PLCB1: variants seen among roughly 807,000 people sequenced by gnomAD.
PLCB1 encodes the protein 1-phosphatidylinositol 4,5-bisphosphate phosphodiesterase beta-1.
PLCB1 carries 46 observed loss-of-function variants against 161.8 expected under a neutral mutation model. The observed-to-expected ratio is 0.28, with a 90% CI of 0.22 to 0.36. The LOEUF (loss-of-function observed/expected upper bound fraction) is 0.36, where lower values mean the gene tolerates loss of function less well. PLCB1 is among the 10% of genes least tolerant of loss of function. PLCB1 has a pLI of 1.00. For missense variants in PLCB1, 1,016 were observed against 1,472.5 expected (o/e 0.69, Z 5.07); for synonymous variants, 517 against 503.7 (o/e 1.03, Z -0.35).
intron 3 of PLCB1, among the ~76,000 whole-genome samples, chr20:8,407,343 T>G (rs2122497297): frequency 6.6e-6 from 1 of 152,268 alleles, no homozygotes; most frequent in East Asian, 1.9e-4. Flanking sequence ...ACTTTCTCAG[T>G]GGAGAAACCT....
At chr20:8,645,121 A>G (rs1377970331) in intron 4 of PLCB1, among the ~76,000 whole-genome samples, 1 of 151,272 alleles carries the variant, frequency 6.6e-6, no homozygotes, top group Non-Finnish European at 1.5e-5. Flanking sequence ...TGAAGGCAGC[A>G]TGCTCGTTAA....
intron 2 of PLCB1, among the ~76,000 whole-genome samples, chr20:8,276,965 CTTCTTCTTCTTCTTCTTCTTCTTATTA>C (rs1404173150): frequency 2.5e-5 from 3 of 121,824 alleles, no homozygotes; most frequent in Admixed American, 1.7e-4. Context: ...TCTTCTTCTT[CTTCTTCTTCTTCTTCTTCTTCTTATTA>C]TTATTATTAT....
intron 2 of PLCB1, among the ~76,000 whole-genome samples, chr20:8,339,634 A>C (rs1985723678): frequency 6.6e-6 from 1 of 152,204 alleles, no homozygotes; most frequent in Non-Finnish European, 1.5e-5. Flanking sequence ...ATGTGTATTC[A>C]TACAGCTTCA....
chr20:8,456,457 TTC>T (rs1981321313), intron 3 of PLCB1, among the ~76,000 whole-genome samples: 1 of 152,250 alleles, frequency 6.6e-6, no homozygotes, highest in South Asian at 2.1e-4. Flanking sequence ...GGAATTTTTT[TTC>T]TTTTTTGTCT....
chr20:8,873,151 T>C (rs1568632553), intron 31 of PLCB1, among the ~76,000 whole-genome samples: 1 of 152,166 alleles, frequency 6.6e-6, no homozygotes. Flanking sequence ...ATGGTTAGGA[T>C]ATAGCATGTG....
chr20:8,340,522 A>G (rs1200870113), intron 2 of PLCB1, among the ~76,000 whole-genome samples: 4 of 151,962 alleles, frequency 2.6e-5, no homozygotes, highest in Non-Finnish European at 5.9e-5. Context: ...TCCCGGGTTC[A>G]CGCCATTCTC....
intron 3 of PLCB1, among the ~76,000 whole-genome samples, chr20:8,439,801 C>G (rs1980474185): frequency 6.6e-6 from 1 of 151,390 alleles, no homozygotes; most frequent in Admixed American, 6.6e-5. Flanking sequence ...GGTCGTTGAC[C>G]TTTTTATAGG....
At chr20:8,244,901 GT>G (rs1171795675) in intron 2 of PLCB1, among the ~76,000 whole-genome samples, 2 of 151,586 alleles carry the variant, frequency 1.3e-5, no homozygotes, top group Non-Finnish European at 2.9e-5. Context: ...ATTTTAACTT[GT>G]CTGTGTTTAT....
At chr20:8,843,778 A>T (rs1421064580) in intron 31 of PLCB1, among the ~76,000 whole-genome samples, 1 of 152,188 alleles carries the variant, frequency 6.6e-6, no homozygotes, top group Non-Finnish European at 1.5e-5. Flanking sequence ...CTCCTCACTT[A>T]ACACTTTGAT....
intron 9 of PLCB1, among the ~76,000 whole-genome samples, chr20:8,661,994 A>G (rs1210579582): frequency 1.1e-4 from 3 of 27,124 alleles, no homozygotes; most frequent in Non-Finnish European, 1.7e-4. Flanking sequence ...ATAATTATAT[A>G]ATTATTTATT....
chr20:8,444,538 A>G (rs917171812), intron 3 of PLCB1, among the ~76,000 whole-genome samples: 21 of 152,172 alleles, frequency 1.4e-4, no homozygotes, highest in Admixed American at 2.6e-4. Context: ...TAGCAGCATG[A>G]TTTATAGTCC....
chr20:8,160,596 G>A (rs1186196545), intron 2 of PLCB1, among the ~76,000 whole-genome samples: 3 of 152,210 alleles, frequency 2.0e-5, no homozygotes, highest in African/African-American at 4.8e-5. Flanking sequence ...TAGATCTTGT[G>A]AGACTTATTC....
At chr20:8,285,220 C>T (rs534853259) in intron 2 of PLCB1, among the ~76,000 whole-genome samples, 26 of 149,348 alleles carry the variant, frequency 1.7e-4, no homozygotes, top group African/African-American at 5.4e-4. Context: ...TGCTCCTTCT[C>T]TTCGTTTTGC....
chr20:8,154,213 A>G (rs950227238), intron 2 of PLCB1, among the ~76,000 whole-genome samples: 4 of 152,180 alleles, frequency 2.6e-5, no homozygotes, highest in African/African-American at 9.6e-5. Flanking sequence ...AAGTTAGTAC[A>G]TGTGTGTCTA....
At chr20:8,734,483 C>T (rs1028699377) in intron 19 of PLCB1, among the ~76,000 whole-genome samples, 2 of 151,666 alleles carry the variant, frequency 1.3e-5, no homozygotes, top group African/African-American at 4.8e-5. Flanking sequence ...TTTTAAAACA[C>T]ATATTAATGA....
At chr20:8,164,558 T>G (rs977335409) in intron 2 of PLCB1, among the ~76,000 whole-genome samples, 1 of 152,244 alleles carries the variant, frequency 6.6e-6, no homozygotes, top group Non-Finnish European at 1.5e-5. Context: ...TGGACATCAC[T>G]GCACAGAGCT....
chr20:8,791,248 T>G (rs1983744152), intron 31 of PLCB1, among the ~76,000 whole-genome samples: 1 of 152,140 alleles, frequency 6.6e-6, no homozygotes, highest in Non-Finnish European at 1.5e-5. Context: ...AATAATTACT[T>G]AGATATGGTG....
intron 31 of PLCB1, among the ~76,000 whole-genome samples, chr20:8,853,200 TAAATA>T (rs1289756647): frequency 1.3e-5 from 2 of 152,182 alleles, no homozygotes; most frequent in Admixed American, 1.3e-4. Context: ...ATTAGTTATA[TAAATA>T]AAATAAAGTA....
chr20:8,881,965 A>C lies in PLCB1; in HGVS notation c.*116A>C. On this transcript the variant is annotated 3_prime_UTR_variant, in exon 32 of 32. Coordinates refer to ENST00000338037, the MANE Select transcript of PLCB1 (RefSeq NM_015192.4). ...CCCGAGAAGCATCCCTTAGCCTAAA[A>C]TCCACACCAAAGGGAGAGTTCCAGA... The C allele has an allele frequency of 2.9e-6, 2 of 687,134 alleles. No homozygotes were observed. The highest frequency in any genetic ancestry group is 2.7e-5 in the East Asian group (1 of 37,358). 42.6% of individuals were successfully genotyped at this position (687,134 alleles called of 1,614,324 possible).
Sources: gnomAD v4.1 joint callset for allele counts (sites outside exome capture counted in the v4.1 genomes callset) on GRCh38, gnomAD v4.1.1 for gene constraint, MANE v1.5 for transcripts, NCBI Gene and HGNC (gene_info 2026-07-23, HGNC 2026-07-21) for gene names.